The following MKLN1 variants were observed in gnomAD, a reference collection of about 807,000 sequenced individuals.
MKLN1 encodes muskelin.
Under a neutral mutation model 99.0 loss-of-function variants are expected in MKLN1, and 18 were observed. That is an observed-to-expected ratio of 0.18 (90% CI 0.13 to 0.27). The LOEUF (loss-of-function observed/expected upper bound fraction) is 0.27. MKLN1 is among the 10% of genes least tolerant of loss of function. MKLN1 has a pLI of 1.00. For missense variants in MKLN1, 621 were observed against 875.9 expected (o/e 0.71, Z 3.67); for synonymous variants, 288 against 293.2 (o/e 0.98, Z 0.18).
chr7:131,489,993 T>C lies in MKLN1; in HGVS notation c.*2265T>C, dbSNP rs1464948115. ...TGAGGAGATAATTGAAAAGTCAGAC[T>C]CTGTACTGTGGGGCTTTAATCGGAG... On this transcript the variant is annotated 3_prime_UTR_variant, in exon 18 of 18. Transcript: ENST00000352689. 6.6e-6 allele frequency: 1 copy of C among 152,480 alleles called. No individual in the cohort carries two copies. Among genetic ancestry groups the C allele is most frequent in the East Asian group, 1.9e-4 (1 of 5,194 alleles). The allele number at this position is 152,480 out of a possible 1,614,324, so 9.4% of individuals were successfully genotyped here.
intron 1 of MKLN1, among the ~76,000 whole-genome samples, chr7:131,115,848 C>T (rs780765029): frequency 5.3e-5 from 8 of 152,300 alleles, no homozygotes; most frequent in African/African-American, 1.2e-4. Context: ...TCCCTGACCA[C>T]GCCACCTGAA....
chr7:131,309,217 G>T (rs879488663), intron 3 of MKLN1, among the ~76,000 whole-genome samples: 1 of 152,162 alleles, frequency 6.6e-6, no homozygotes, highest in African/African-American at 2.4e-5. Flanking sequence ...ACTACTAGGA[G>T]CCTCCTGCAG....
intron 3 of MKLN1, among the ~76,000 whole-genome samples, chr7:131,227,714 T>C (rs560411098): frequency 1.6e-4 from 25 of 151,882 alleles, no homozygotes; most frequent in Admixed American, 1.4e-3. Context: ...CACAGGAACG[T>C]ACCACCATGC....
upstream of MKLN1, among the ~76,000 whole-genome samples, chr7:131,323,009 TG>T (rs1471585505): frequency 1.3e-5 from 2 of 152,326 alleles, no homozygotes; most frequent in Non-Finnish European, 2.9e-5. Context: ...CAATTCGAGA[TG>T]ACATTTTGTT....
intron 17 of MKLN1, among the ~76,000 whole-genome samples, chr7:131,481,133 T>C (rs1321420085): frequency 6.6e-6 from 1 of 152,198 alleles, no homozygotes; most frequent in Non-Finnish European, 1.5e-5. Context: ...GGATGTTGTT[T>C]CCTGTCTTGT....
intron 1 of MKLN1, among the ~76,000 whole-genome samples, chr7:131,360,897 A>G (rs1209926192): frequency 6.6e-6 from 1 of 152,130 alleles, no homozygotes; most frequent in Non-Finnish European, 1.5e-5. Context: ...TTTAAAGGAT[A>G]ATTTCACTGG....
At position 131,437,805 on chromosome 7, in the gene MKLN1, G is replaced by T; in HGVS notation, c.981G>T (p.Ser327=). 1 of 1,613,046 alleles carries T rather than the reference G, an allele frequency of 6.2e-7. No homozygotes were observed. The highest frequency in any genetic ancestry group is 8.5e-7 in the Non-Finnish European group (1 of 1,179,424). ...TACAGAATGGTCCTAGTGCCAGATC[G>T]TGTCATAAAATGTGCATTGATATTC... is the stretch of plus-strand genomic sequence containing the variant. The part of the protein sequence containing the change: ...TEKENGPSAR[S]CHKMCIDIQR... The change falls in exon 10 of 18, where the codon TCG becomes TCT. Residue 327 remains serine (S), a synonymous_variant. Coordinates refer to ENST00000352689, the MANE Select transcript of MKLN1 (RefSeq NM_013255.5).
intron 6 of MKLN1, among the ~76,000 whole-genome samples, chr7:131,407,683 A>G (rs1584708427): frequency 7.0e-6 from 1 of 143,286 alleles, no homozygotes; most frequent in Admixed American, 6.9e-5. Flanking sequence ...TTCCTGAAAC[A>G]TGGTTTTTTT....
intron 2 of MKLN1, among the ~76,000 whole-genome samples, chr7:131,174,945 CTGGTAGA>C (rs1796270498): frequency 6.8e-6 from 1 of 147,582 alleles, no homozygotes; most frequent in Admixed American, 7.0e-5. Context: ...TCCCTGATAA[CTGGTAGA>C]TGATAGATAG....
At chr7:131,305,793 A>T (rs1176332961) in intron 3 of MKLN1, among the ~76,000 whole-genome samples, 1 of 152,126 alleles carries the variant, frequency 6.6e-6, no homozygotes, top group Non-Finnish European at 1.5e-5. Context: ...GCCTTTCCAT[A>T]AATATATGTT....
intron 2 of MKLN1, among the ~76,000 whole-genome samples, chr7:131,176,515 T>G (rs1796301636): frequency 6.6e-6 from 1 of 152,230 alleles, no homozygotes; most frequent in Non-Finnish European, 1.5e-5. Context: ...TTTTTGTCAA[T>G]TGTTTTATAC....
intron 8 of MKLN1, among the ~76,000 whole-genome samples, chr7:131,421,736 C>G (rs114941507): frequency 0.013 from 1,947 of 151,888 alleles, 51 homozygotes; most frequent in African/African-American, 0.044. Context: ...CATAATTTGA[C>G]AAAATTTCAC....
intron 3 of MKLN1, among the ~76,000 whole-genome samples, chr7:131,258,759 C>T (rs1039759812): frequency 1.3e-5 from 2 of 152,006 alleles, no homozygotes; most frequent in Non-Finnish European, 2.9e-5. Flanking sequence ...CAATTCTAGT[C>T]AGAATATACT....
chr7:131,434,601 T>C (rs1217837790), intron 9 of MKLN1, among the ~76,000 whole-genome samples: 3 of 152,194 alleles, frequency 2.0e-5, no homozygotes, highest in African/African-American at 7.2e-5. Context: ...TTGCCCATGC[T>C]GGAGTGCAGT....
intron 1 of MKLN1, among the ~76,000 whole-genome samples, chr7:131,141,311 C>G (rs371756526): frequency 2.8e-4 from 42 of 152,320 alleles, no homozygotes; most frequent in African/African-American, 9.1e-4. Flanking sequence ...CTTAACTCAG[C>G]ACCTTCTCTC....
At chr7:131,294,444 C>T (rs1372387860) in intron 3 of MKLN1, among the ~76,000 whole-genome samples, 6 of 152,172 alleles carry the variant, frequency 3.9e-5, no homozygotes, top group Non-Finnish European at 8.8e-5. Flanking sequence ...ACTATTCTTC[C>T]ATCTTTGTGG....
chr7:131,369,000 TCACACACA>T (rs57537888), intron 1 of MKLN1, among the ~76,000 whole-genome samples: 2 of 149,772 alleles, frequency 1.3e-5, no homozygotes, highest in Admixed American at 6.7e-5. Context: ...ATCTGTATAA[TCACACACA>T]CACACACACA....
chr7:131,125,353 A>G (rs1795437438), intron 1 of MKLN1, among the ~76,000 whole-genome samples: 1 of 152,246 alleles, frequency 6.6e-6, no homozygotes, highest in Admixed American at 6.5e-5. Context: ...AGTGACAAAC[A>G]ACTTAAAATA....
chr7:131,375,504 A>C lies in MKLN1; in HGVS notation c.168+11A>C, dbSNP rs979611041. 6.4e-7 allele frequency: 1 copy of C among 1,559,620 alleles called. No individual in the cohort carries two copies. Among genetic ancestry groups the C allele is most frequent in the African/African-American group, 1.4e-5 (1 of 73,810 alleles). ...AACTATCCTCCCCAGGTAAGATTAC[A>C]TGTATCCCTTAATGCTGTTTAGAAG... On this transcript the variant is annotated intron_variant, in intron 2 of 17. Transcript: ENST00000352689.
Sources: gnomAD v4.1 joint callset for allele counts (sites outside exome capture counted in the v4.1 genomes callset) on GRCh38, gnomAD v4.1.1 for gene constraint, MANE v1.5 for transcripts, NCBI Gene and HGNC (gene_info 2026-07-23, HGNC 2026-07-21) for gene names.